The following FMN2 variants were observed in gnomAD, a reference collection of about 807,000 sequenced individuals.
FMN2 encodes the protein formin-2.
In FMN2, 51 loss-of-function variants were observed where a neutral mutation model predicts 142.3. That is an observed-to-expected ratio of 0.36 (90% CI 0.29 to 0.45). FMN2 has a LOEUF of 0.45. FMN2 is among the 20% of genes least tolerant of loss of function. The probability of loss-of-function intolerance (pLI) is 1.00; values close to 1 mark genes in which losing one functional copy is unlikely to be tolerated. For missense variants in FMN2, 1,936 were observed against 2,122.8 expected, an observed-to-expected ratio of 0.91 and a Z score of 1.73; for synonymous variants, 882 against 869.8, an observed-to-expected ratio of 1.01 and a Z score of -0.25.
intron 2 of FMN2, among the ~76,000 whole-genome samples, chr1:240,127,015 G>T (rs899616923): frequency 6.6e-6 from 1 of 152,156 alleles, no homozygotes; most frequent in Non-Finnish European, 1.5e-5. Flanking sequence ...GGGCCTTGGA[G>T]GAGCACAGAC....
Position 240,177,993 on chromosome 1 carries a change from C to G in FMN2, c.1855C>G (p.Pro619Ala), listed in dbSNP as rs747941856. ...HSLDYSEGQF[P>A]RRVPSMGPPS... ...ATTGGACTATTCAGAAGGGCAGTTT[C>G]CTAGGCGAGTTCCATCCATGGGGCC... is the stretch of plus-strand genomic sequence containing the variant. The change falls in exon 3 of 18, where the codon CCT (proline) becomes GCT (alanine). Residue 619 changes from proline to alanine, a missense_variant. Coordinates refer to ENST00000319653, the MANE Select transcript of FMN2 (RefSeq NM_020066.5). The G allele has an allele frequency of 3.1e-6, 5 of 1,612,798 alleles. No individual in the cohort carries two copies. The highest frequency in any genetic ancestry group is 2.7e-5 in the African/African-American group (2 of 74,804).
chr1:240,378,566 C>T (rs1480652858), intron 14 of FMN2, among the ~76,000 whole-genome samples: 1 of 152,174 alleles, frequency 6.6e-6, no homozygotes, highest in Non-Finnish European at 1.5e-5. Flanking sequence ...GTCTCCATCT[C>T]TCGGTTTGTT....
intron 14 of FMN2, among the ~76,000 whole-genome samples, chr1:240,377,944 C>T (rs1673100382): frequency 6.6e-6 from 1 of 151,768 alleles, no homozygotes; most frequent in Non-Finnish European, 1.5e-5. Context: ...TTTTAGAGGG[C>T]CATTATTCTG....
chr1:240,137,052 A>T (rs927435403), intron 2 of FMN2, among the ~76,000 whole-genome samples: 1 of 140,640 alleles, frequency 7.1e-6, no homozygotes, highest in African/African-American at 2.7e-5. Context: ...CCTGGGTGAC[A>T]GAGTGAAACT....
intron 5 of FMN2, among the ~76,000 whole-genome samples, chr1:240,209,808 G>A (rs1180836945): frequency 2.0e-5 from 3 of 151,766 alleles, no homozygotes; most frequent in Non-Finnish European, 4.4e-5. Flanking sequence ...GGAGGCTGAG[G>A]CAGGAGAATG....
At chr1:240,343,020 C>T (rs759866687) in intron 13 of FMN2, among the ~76,000 whole-genome samples, 1 of 152,002 alleles carries the variant, frequency 6.6e-6, no homozygotes, top group Non-Finnish European at 1.5e-5. Flanking sequence ...GCAAAGTTAC[C>T]TATCCTGTGA....
rs1336458048 is a variant in FMN2 at position 240,474,364 on chromosome 1, G to A, written c.*210G>A. 5 of 486,004 alleles carry A rather than the reference G, an allele frequency of 1.0e-5. No homozygotes were observed. The highest frequency in any genetic ancestry group is 1.8e-5 in the Non-Finnish European group (5 of 277,766). 30.1% of individuals were successfully genotyped at this position (486,004 alleles called of 1,614,324 possible). On this transcript the variant is annotated 3_prime_UTR_variant, in exon 18 of 18. Coordinates refer to ENST00000319653, the MANE Select transcript of FMN2 (RefSeq NM_020066.5). The stretch of plus-strand genomic sequence containing the variant: ...AACGTACTAGACCAGTGGAGAATTT[G>A]ACACCTTTTCTTTTTGTAAAAGTTT...
At chr1:240,101,973 C>G (rs1431907430) in intron 1 of FMN2, among the ~76,000 whole-genome samples, 1 of 152,016 alleles carries the variant, frequency 6.6e-6, no homozygotes, top group African/African-American at 2.4e-5. Flanking sequence ...ATCTCTTGTT[C>G]TTGGATGGAT....
Position 240,091,927 on chromosome 1 carries a change from T to G in FMN2, c.-183T>G. On this transcript the variant is annotated 5_prime_UTR_variant, in exon 1 of 18. Coordinates refer to ENST00000319653, the MANE Select transcript of FMN2 (RefSeq NM_020066.5). ...CGGCAGCCACGGGAGCCGCCGCGCATTATGCAAAGCGGCGGCAGATGCGAG... is the reference window on the plus strand; with the variant it reads ...CGGCAGCCACGGGAGCCGCCGCGCAGTATGCAAAGCGGCGGCAGATGCGAG... The G allele has an allele frequency of 1.6e-5, 17 of 1,032,136 alleles. No individual in the cohort carries two copies. The highest frequency in any genetic ancestry group is 2.1e-5 in the Non-Finnish European group (16 of 768,710). The allele number at this position is 1,032,136 out of a possible 1,614,324, so 63.9% of individuals were successfully genotyped here.
chr1:240,249,852 G>A (rs899994690), intron 6 of FMN2, among the ~76,000 whole-genome samples: 5 of 151,796 alleles, frequency 3.3e-5, no homozygotes, highest in African/African-American at 9.7e-5. Flanking sequence ...TTTATTTTTT[G>A]TAGCTATTTG....
intron 7 of FMN2, among the ~76,000 whole-genome samples, chr1:240,286,478 G>A (rs1214909914): frequency 1.3e-5 from 2 of 152,200 alleles, no homozygotes; most frequent in Non-Finnish European, 2.9e-5. Context: ...CCTGTTGCCA[G>A]TTCCTTGGCC....
chr1:240,231,236 C>CA (rs1667515727), intron 6 of FMN2, among the ~76,000 whole-genome samples: 1 of 132,150 alleles, frequency 7.6e-6, no homozygotes, highest in Non-Finnish European at 1.6e-5. Flanking sequence ...TTAAGCCTTC[C>CA]AAAAAATAAA....
At chr1:240,222,427 GCTTCCAGCTTTGTT>G (rs1281164526) in intron 6 of FMN2, among the ~76,000 whole-genome samples, 1 of 152,032 alleles carries the variant, frequency 6.6e-6, no homozygotes, top group Non-Finnish European at 1.5e-5. Flanking sequence ...GTGGTGTGAT[GCTTCCAGCTTTGTT>G]CTTTTTGCTT....
chr1:240,255,695 A>G (rs1052737693), intron 6 of FMN2, among the ~76,000 whole-genome samples: 4 of 152,124 alleles, frequency 2.6e-5, no homozygotes, highest in Non-Finnish European at 4.4e-5. Context: ...TATATAGCAT[A>G]AAGGAGAAGA....
At chr1:240,185,021 C>T (rs1204521845) in intron 3 of FMN2, among the ~76,000 whole-genome samples, 1 of 150,560 alleles carries the variant, frequency 6.6e-6, no homozygotes, top group African/African-American at 2.5e-5. Flanking sequence ...CTCTTTCTCC[C>T]TCCTATACCT....
rs186845650 is a variant in FMN2, at chr1:240,162,874, T to G, written c.1783-15047T>G. 1.4e-4 allele frequency among the ~76,000 whole-genome samples: 22 copies of G among 152,288 alleles called. No homozygotes were observed. In the East Asian group the frequency reaches 2.9e-3, roughly 20 times the overall value. On this transcript the variant is annotated intron_variant, in intron 2 of 17. Transcript: ENST00000319653. ...TTTGTAACCTTCTATCTTTTTAATA[T>G]ATGCATTTAAACCTACAGATTTCTC...
chr1:240,380,727 A>AG (rs1182471647), intron 14 of FMN2, among the ~76,000 whole-genome samples: 2 of 151,922 alleles, frequency 1.3e-5, no homozygotes, highest in East Asian at 3.8e-4. Flanking sequence ...AAAAAAAAAA[A>AG]AAGAAATGGC....
intron 8 of FMN2, among the ~76,000 whole-genome samples, chr1:240,320,867 C>T (rs1307788099): frequency 3.3e-5 from 5 of 152,192 alleles, no homozygotes; most frequent in Non-Finnish European, 7.3e-5. Context: ...TAAGCAAAAG[C>T]AGCGGTAGGT....
intron 15 of FMN2, among the ~76,000 whole-genome samples, chr1:240,429,014 T>G (rs1317364608): frequency 6.6e-6 from 1 of 152,136 alleles, no homozygotes; most frequent in Non-Finnish European, 1.5e-5. Flanking sequence ...ATTTAAAAAC[T>G]TTTCCTTATT....
Sources: allele counts gnomAD v4.1 joint callset (sites outside exome capture counted in the v4.1 genomes callset), GRCh38; gene constraint gnomAD v4.1.1; transcripts MANE v1.5; gene names NCBI Gene and HGNC (gene_info 2026-07-23, HGNC 2026-07-21).